The following NSUN4 variants were observed in gnomAD, a reference collection of about 807,000 sequenced individuals.
NSUN4 encodes 5-cytosine rRNA methyltransferase NSUN4.
Under a neutral mutation model 43.8 loss-of-function variants are expected in NSUN4, and 31 were observed. The ratio of observed to expected loss-of-function variants is 0.71; its 90% CI spans 0.53 to 0.96. The LOEUF (loss-of-function observed/expected upper bound fraction) is 0.96. Ranked by LOEUF, NSUN4 falls within the 40% of genes least tolerant of loss-of-function variation. The pLI is 0.00. For synonymous variants in NSUN4, 167 were observed against 184.1 expected, an observed-to-expected ratio of 0.91 and a Z score of 0.75; for missense variants, 439 against 475.6, an observed-to-expected ratio of 0.92 and a Z score of 0.72.
At chr1:46,377,110 C>T in the NSUN4 span, among the ~76,000 whole-genome samples, 5,746 of 151,648 alleles carry the variant, frequency 0.038, 381 homozygotes, top group African/African-American at 0.13. Flanking sequence ...AGTGTAGTGG[C>T]GTGATCTCAG....
intron 1 of NSUN4, chr1:46,342,009 C>A (rs1277674779): frequency 3.3e-6 from 4 of 1,194,654 alleles, no homozygotes; most frequent in Non-Finnish European, 4.2e-6. Flanking sequence ...CACTCATGTA[C>A]CCTTGGAAAC....
chr1:46,348,070 C>A lies in NSUN4; in HGVS notation c.592+995C>A, dbSNP rs758280567. Among the ~76,000 whole-genome samples, 40 of 152,200 alleles carry A rather than the reference C, an allele frequency of 2.6e-4. 1 individual carries two copies. In the Middle Eastern group the frequency reaches 0.034, roughly 130 times the overall value. ...TTTGTTTTTGTACTTTTAGTAGAGA[C>A]AGGGTTTCACCCTGTTAGCCAGGAT... On this transcript the variant is annotated intron_variant, in intron 3 of 5. Transcript: ENST00000474844.
chr1:46,356,432 C>CCTGT (rs1663372836), intron 4 of NSUN4, among the ~76,000 whole-genome samples: 1 of 152,150 alleles, frequency 6.6e-6, no homozygotes, highest in Non-Finnish European at 1.5e-5. Flanking sequence ...GTGGCTCACG[C>CCTGT]CTGTATTCCC....
intron 4 of NSUN4, among the ~76,000 whole-genome samples, chr1:46,360,249 A>AAAAT (rs1553177947): frequency 4.3e-4 from 11 of 25,772 alleles, no homozygotes; most frequent in African/African-American, 1.4e-3. Context: ...AAAAAAAAAA[A>AAAAT]ATATATATAT....
At chr1:46,351,516 G>A (rs1253699586) in intron 3 of NSUN4, among the ~76,000 whole-genome samples, 1 of 151,950 alleles carries the variant, frequency 6.6e-6, no homozygotes, top group African/African-American at 2.4e-5. Flanking sequence ...TAGTGGGAGA[G>A]CATATTTTTT....
At chr1:46,372,308 T>G in the NSUN4 span, among the ~76,000 whole-genome samples, 8 of 149,040 alleles carry the variant, frequency 5.4e-5, no homozygotes, top group East Asian at 2.0e-4. Context: ...GCCCGGCTGG[T>G]TTTTTTTTGT....
chr1:46,381,282 A>G, the NSUN4 span, among the ~76,000 whole-genome samples: 2 of 152,278 alleles, frequency 1.3e-5, no homozygotes, highest in East Asian at 3.9e-4. Flanking sequence ...AAGTTTCCCT[A>G]GAGCACAGCA....
intron 3 of NSUN4, among the ~76,000 whole-genome samples, chr1:46,347,979 G>A (rs982689160): frequency 2.0e-5 from 3 of 151,522 alleles, no homozygotes; most frequent in African/African-American, 4.8e-5. Context: ...CTGGGTTCAC[G>A]CCATTCTCCT....
intron 1 of NSUN4, chr1:46,343,988 C>A: frequency 2.6e-6 from 1 of 391,614 alleles, no homozygotes; most frequent in Non-Finnish European, 4.5e-6. Flanking sequence ...AAAATCTAGG[C>A]CAGAGCAAGG....
At chr1:46,380,135 T>A in the NSUN4 span, among the ~76,000 whole-genome samples, 1 of 152,190 alleles carries the variant, frequency 6.6e-6, no homozygotes, top group African/African-American at 2.4e-5. Context: ...TCACACCCTC[T>A]GGAATCTGAG....
the NSUN4 span, among the ~76,000 whole-genome samples, chr1:46,375,392 G>GCCTGGTTGCAATGAA: frequency 1.3e-5 from 2 of 148,830 alleles, no homozygotes; most frequent in Non-Finnish European, 3.0e-5. Flanking sequence ...CCAAGATCAC[G>GCCTGGTTGCAATGAA]CCATTGCACT....
intron 1 of NSUN4, 48 bp from the exon 2 acceptor site, chr1:46,344,753 G>A: frequency 1.3e-6 from 2 of 1,530,288 alleles, no homozygotes; most frequent in Non-Finnish European, 1.8e-6. Flanking sequence ...GTAGTAGGGG[G>A]TAGAGTCAAG....
At chr1:46,361,044 G>C (rs1180652219) in intron 5 of NSUN4, among the ~76,000 whole-genome samples, 1 of 152,142 alleles carries the variant, frequency 6.6e-6, no homozygotes, top group Admixed American at 6.6e-5. Context: ...CTACTCAGGG[G>C]GCTGAGGGAG....
chr1:46,380,924 T>TA, the NSUN4 span, among the ~76,000 whole-genome samples: 1 of 152,232 alleles, frequency 6.6e-6, no homozygotes, highest in Non-Finnish European at 1.5e-5. Context: ...CTGGTTGTGT[T>TA]ACATGCATTA....
chr1:46,371,558 G>A, the NSUN4 span, among the ~76,000 whole-genome samples: 25 of 152,150 alleles, frequency 1.6e-4, no homozygotes, highest in African/African-American at 5.5e-4. Context: ...CGCCCACCTC[G>A]GCCTCCCAAA....
At chr1:46,357,702 G>A (rs1015201024) in intron 4 of NSUN4, among the ~76,000 whole-genome samples, 6 of 152,026 alleles carry the variant, frequency 3.9e-5, no homozygotes, top group African/African-American at 1.4e-4. Flanking sequence ...TTTGGGTTGG[G>A]GAAACTCCTA....
At chr1:46,384,485 G>A in the NSUN4 span, among the ~76,000 whole-genome samples, 1 of 152,300 alleles carries the variant, frequency 6.6e-6, no homozygotes, top group East Asian at 1.9e-4. Flanking sequence ...ACGGCTGTGA[G>A]GGAAGTTAGA....
chr1:46,344,217 G>A lies in NSUN4; in HGVS notation c.94-584G>A, dbSNP rs572610483. ...GGGCCCTCCTTATCCAACCTTTCTG[G>A]GGTCTGGGAACTCTCCCAGCATGAC... On this transcript the variant is annotated intron_variant, in intron 1 of 5. Coordinates refer to ENST00000474844, the MANE Select transcript of NSUN4 (RefSeq NM_199044.4). The A allele has an allele frequency of 1.2e-4, 20 of 160,404 alleles. No individual in the cohort carries two copies. The South Asian group carries it at 3.5e-3, about 28-fold the overall frequency. 9.9% of individuals were successfully genotyped at this position (160,404 alleles called of 1,614,324 possible). A position where few individuals can be genotyped will look rare whatever the true frequency, so the allele number is the denominator to read the frequency against.
intron 1 of NSUN4, chr1:46,343,987 G>A (rs975444375): frequency 2.8e-5 from 11 of 391,528 alleles, no homozygotes; most frequent in African/African-American, 2.3e-4. Flanking sequence ...AAAAATCTAG[G>A]CCAGAGCAAG....
Sources: allele counts gnomAD v4.1 joint callset (sites outside exome capture counted in the v4.1 genomes callset), GRCh38; gene constraint gnomAD v4.1.1; transcripts MANE v1.5; gene names NCBI Gene and HGNC (gene_info 2026-07-23, HGNC 2026-07-21).